The following DESI1 variants were observed in gnomAD, a reference collection of about 807,000 sequenced individuals.
DESI1 encodes the protein desumoylating isopeptidase 1.
A neutral mutation model predicts 22.4 loss-of-function variants in DESI1; 17 were observed. That is an observed-to-expected ratio of 0.76 (90% confidence interval 0.52 to 1.14). The LOEUF (loss-of-function observed/expected upper bound fraction) is 1.14, where lower values mean the gene tolerates loss of function less well. DESI1 is among the 50% of genes most tolerant of loss of function. DESI1 has a pLI of 0.00. For synonymous variants in DESI1, 92 were observed against 84.2 expected (o/e 1.09, Z -0.51); for missense variants, 177 against 208.9 (o/e 0.85, Z 0.94).
At chr22:41,603,655 C>T (rs2067462213) in intron 4 of DESI1, among the ~76,000 whole-genome samples, 1 of 152,208 alleles carries the variant, frequency 6.6e-6, no homozygotes, top group South Asian at 2.1e-4. Context: ...AGAGTTTACC[C>T]CCTTACTGAA....
intron 1 of DESI1, among the ~76,000 whole-genome samples, chr22:41,614,590 C>CTTT (rs10523372): frequency 1.2e-5 from 1 of 85,748 alleles, no homozygotes; most frequent in African/African-American, 5.4e-5. Context: ...GGCCTACATC[C>CTTT]TTTTTTTTTT....
In DESI1 at chr22:41,620,874, C is replaced by G; in HGVS notation, c.-35G>C. 2 of 1,582,948 alleles carry G rather than the reference C, an allele frequency of 1.3e-6. No individual in the cohort carries two copies. The highest frequency in any genetic ancestry group is 1.7e-6 in the Non-Finnish European group (2 of 1,165,110). On this transcript the variant is annotated 5_prime_UTR_variant, in exon 1 of 6. Coordinates refer to ENST00000263256, the MANE Select transcript of DESI1 (RefSeq NM_015704.3). ...TGGCGACGGCGGCCACGACGGCCCT[C>G]GGGCACCCGGCAGCGGCTTGGACCT...
chr22:41,612,709 CTT>C (rs2067525419), intron 1 of DESI1, among the ~76,000 whole-genome samples: 1 of 151,158 alleles, frequency 6.6e-6, no homozygotes, highest in Non-Finnish European at 1.5e-5. Context: ...GATCCTCCCA[CTT>C]CAGCTTCCCA....
chr22:41,609,403 C>G (rs1041690880), intron 1 of DESI1, among the ~76,000 whole-genome samples: 5 of 152,200 alleles, frequency 3.3e-5, no homozygotes, highest in Non-Finnish European at 7.3e-5. Context: ...GAAAGCTTCA[C>G]AGTATGTGAT....
chr22:41,608,648 C>T (rs536008610), intron 1 of DESI1, among the ~76,000 whole-genome samples: 5 of 152,208 alleles, frequency 3.3e-5, no homozygotes, highest in Admixed American at 1.3e-4. Flanking sequence ...GCCAGCAAAG[C>T]GGGCAGGCCT....
chr22:41,609,370 G>A (rs904457888), intron 1 of DESI1, among the ~76,000 whole-genome samples: 9 of 152,224 alleles, frequency 5.9e-5, no homozygotes, highest in African/African-American at 2.2e-4. Flanking sequence ...CAGAGTTGCT[G>A]TGACTGGTAA....
chr22:41,612,367 G>A (rs1463764936), intron 1 of DESI1, among the ~76,000 whole-genome samples: 1 of 152,000 alleles, frequency 6.6e-6, no homozygotes, highest in Non-Finnish European at 1.5e-5. Flanking sequence ...AAATTAGCCA[G>A]GCATGGTGGC....
In DESI1 at chr22:41,620,847, C is replaced by A. The variant is rs755228400; in HGVS notation, c.-8G>T. The A allele has an allele frequency of 9.6e-5, 154 of 1,603,206 alleles. 1 individual carries two copies. The highest frequency in any genetic ancestry group is 5.7e-5 in the Non-Finnish European group (67 of 1,175,406). On this transcript the variant is annotated 5_prime_UTR_variant, in exon 1 of 6. Transcript: ENST00000263256. ...GAGATTCGGCGGCTCCATTGGGACC[C>A]GTGGCGACGGCGGCCACGACGGCCC... is the stretch of plus-strand genomic sequence containing the variant.
At chr22:41,607,420 C>G in intron 2 of DESI1, 89 bp from the exon 3 acceptor site, 1 of 1,307,930 alleles carries the variant, frequency 7.6e-7, no homozygotes, top group Non-Finnish European at 1.0e-6. Flanking sequence ...TAATTTCTGC[C>G]CAAGGATAGG....
At chr22:41,612,393 T>A (rs2067522863) in intron 1 of DESI1, among the ~76,000 whole-genome samples, 1 of 151,564 alleles carries the variant, frequency 6.6e-6, no homozygotes, top group South Asian at 2.1e-4. Flanking sequence ...CCTGTAATTC[T>A]AGCTACTCGG....
At chr22:41,604,981 T>C (rs1401190724) in intron 3 of DESI1, among the ~76,000 whole-genome samples, 1 of 152,190 alleles carries the variant, frequency 6.6e-6, no homozygotes, top group East Asian at 1.9e-4. Flanking sequence ...CTCCTGATGC[T>C]GTCCACTTAC....
chr22:41,603,114 AT>A, intron 5 of DESI1, 144 bp downstream of exon 5: 1 of 1,239,882 alleles, frequency 8.1e-7, no homozygotes, highest in Non-Finnish European at 1.1e-6. Flanking sequence ...GGTGGAGAGA[AT>A]GGCAGCCTTC....
At chr22:41,610,873 C>A (rs1264236135) in intron 1 of DESI1, among the ~76,000 whole-genome samples, 49 of 139,580 alleles carry the variant, frequency 3.5e-4, no homozygotes, top group Admixed American at 3.7e-4. Context: ...AACTCTGTCT[C>A]AAAAAAAAAA....
At chr22:41,603,160 G>A in intron 5 of DESI1, 99 bp downstream of exon 5, 1 of 1,565,574 alleles carries the variant, frequency 6.4e-7, no homozygotes, top group South Asian at 1.1e-5. Flanking sequence ...AGGCCCACCT[G>A]GTTGGGAGGG....
At chr22:41,611,591 C>CTTTTTTTTTTTTTTTTTTTTTTTTTTTTT (rs132764) in intron 1 of DESI1, among the ~76,000 whole-genome samples, 1 of 103,902 alleles carries the variant, frequency 9.6e-6, no homozygotes, top group Non-Finnish European at 2.0e-5. Context: ...CCTGTTCCTT[C>CTTTTTTTTTTTTTTTTTTTTTTTTTTTTT]TTTTTTTTTT....
At chr22:41,609,226 G>A (rs1486857843) in intron 1 of DESI1, among the ~76,000 whole-genome samples, 2 of 152,174 alleles carry the variant, frequency 1.3e-5, no homozygotes, top group East Asian at 3.9e-4. Context: ...ACAGGCATGA[G>A]CCACCACACA....
intron 1 of DESI1, among the ~76,000 whole-genome samples, chr22:41,618,821 T>C (rs1355007458): frequency 6.6e-6 from 1 of 152,178 alleles, no homozygotes; most frequent in African/African-American, 2.4e-5. Context: ...TCCCAGCACG[T>C]TGGGAGGCCA....
chr22:41,613,542 A>T (rs1337959152), intron 1 of DESI1, among the ~76,000 whole-genome samples: 3 of 152,196 alleles, frequency 2.0e-5, no homozygotes, highest in Non-Finnish European at 2.9e-5. Flanking sequence ...GCACCTAGCA[A>T]AGGACCTGGT....
At position 41,620,912 on chromosome 22, in the gene DESI1, C is replaced by T; in HGVS notation, c.-73G>A. ...GCGGCTTGGACCTTCCCGTACCCGACGGGAGTGCGAAGCGGAGGGAGAGGG... is the reference window on the plus strand; with the variant it reads ...GCGGCTTGGACCTTCCCGTACCCGATGGGAGTGCGAAGCGGAGGGAGAGGG... On this transcript the variant is annotated 5_prime_UTR_variant, in exon 1 of 6. Transcript: ENST00000263256. The T allele has an allele frequency of 7.0e-7, 1 of 1,419,554 alleles. No homozygotes were observed. The highest frequency in any genetic ancestry group is 9.5e-7 in the Non-Finnish European group (1 of 1,055,094). The allele number at this position is 1,419,554 out of a possible 1,614,324, so 87.9% of individuals were successfully genotyped here.
Sources: gnomAD v4.1 joint callset for allele counts (sites outside exome capture counted in the v4.1 genomes callset) on GRCh38, gnomAD v4.1.1 for gene constraint, MANE v1.5 for transcripts, NCBI Gene and HGNC (gene_info 2026-07-23, HGNC 2026-07-21) for gene names.